Variants in FRMD1 observed in about 807,000 individuals in gnomAD.
FRMD1 encodes the protein FERM domain containing 1, also known as FERM domain-containing protein 1.
A neutral mutation model predicts 54.9 loss-of-function variants in FRMD1; 51 were observed. That is an observed-to-expected ratio of 0.93 (90% CI 0.74 to 1.17). The LOEUF (loss-of-function observed/expected upper bound fraction) is 1.17. Ranked by LOEUF, FRMD1 falls within the 50% of genes most tolerant of loss-of-function variation. The pLI, the probability that FRMD1 is intolerant of heterozygous loss-of-function variation, is 0.00. For synonymous variants in FRMD1, 324 were observed against 306.4 expected (o/e 1.06, Z -0.60); for missense variants, 729 against 743.0 (o/e 0.98, Z 0.22).
chr6:168,065,481 G>C, intron 4 of FRMD1: 1 of 994,960 alleles, frequency 1.0e-6, no homozygotes, highest in Non-Finnish European at 1.2e-6. Context: ...CACGGGGCTT[G>C]GCCATGGCTG....
Position 168,062,639 on chromosome 6 carries a change from T to C in FRMD1, c.870+255A>G, listed in dbSNP as rs747302727. 1.1e-5 allele frequency: 17 copies of C among 1,541,680 alleles called. No homozygotes were observed. The South Asian group carries it at 1.8e-4, about 16-fold the overall frequency. On this transcript the variant is annotated intron_variant, in intron 7 of 10. Coordinates refer to ENST00000283309, the MANE Select transcript of FRMD1 (RefSeq NM_024919.6). ...GGATGAAGCTGCATCTGCCCAGGCT[T>C]TCCAGGGCACGGGGACCCCCCAGAC...
In FRMD1 at chr6:168,092,367, G is replaced by A. The variant is rs902612716; in HGVS notation, c.-12+9058C>T. ...GGTCTGTGTCCCCCAAATTCACCAC[G>A]TGGAAATTCTCACGCGAGGGGGATG... is the stretch of plus-strand genomic sequence containing the variant. On this transcript the variant is annotated intron_variant, in intron 1 of 12. Transcript: ENST00000644440. Among the ~76,000 whole-genome samples the A allele has an allele frequency of 5.3e-5, 8 of 152,220 alleles. No individual in the cohort carries two copies. The South Asian group carries it at 8.3e-4, about 16-fold the overall frequency.
Position 168,075,356 on chromosome 6 carries a change from G to A in FRMD1, c.214-21C>T. 3 of 1,601,644 alleles carry A rather than the reference G, an allele frequency of 1.9e-6. 1 individual carries two copies. The highest frequency in any genetic ancestry group is 2.7e-5 in the African/African-American group (2 of 74,872). On this transcript the variant is annotated intron_variant, in intron 1 of 10. Coordinates refer to ENST00000283309, the MANE Select transcript of FRMD1 (RefSeq NM_024919.6). ...TTCACCTGCAAAAGAGGTGGGGAGG[G>A]GTTCAGGGAGGGGCCGGCACCTGTC...
intron 2 of FRMD1, among the ~76,000 whole-genome samples, chr6:168,069,084 C>T (rs1365783375): frequency 6.6e-6 from 1 of 152,238 alleles, no homozygotes; most frequent in Non-Finnish European, 1.5e-5. Flanking sequence ...GTGCCATGCT[C>T]TGTGTTAAAG....
chr6:168,072,512 C>A (rs1304251260), intron 2 of FRMD1, among the ~76,000 whole-genome samples: 2 of 152,230 alleles, frequency 1.3e-5, no homozygotes, highest in Admixed American at 6.5e-5. Flanking sequence ...AGCAGGGAAG[C>A]CTCAGTGCCG....
chr6:168,058,958 C>A (rs948838909), intron 10 of FRMD1, among the ~76,000 whole-genome samples, 166 bp downstream of exon 10: 17 of 152,206 alleles, frequency 1.1e-4, no homozygotes, highest in African/African-American at 3.9e-4. Flanking sequence ...TGCCCCAGTG[C>A]CCGAGAGCCT....
At chr6:168,078,445 C>T (rs531697232) in intron 1 of FRMD1, among the ~76,000 whole-genome samples, 3 of 152,200 alleles carry the variant, frequency 2.0e-5, no homozygotes, top group Admixed American at 2.0e-4. Flanking sequence ...ACCTCACAGA[C>T]ACCTGGCCTA....
intron 9 of FRMD1, 29 bp downstream of exon 9, chr6:168,060,732 T>C (rs1309322802): frequency 5.7e-6 from 9 of 1,589,778 alleles, no homozygotes; most frequent in East Asian, 2.3e-5. Flanking sequence ...TCACTGTCCC[T>C]GAGGCCTGGG....
At chr6:168,066,967 T>C in intron 3 of FRMD1, 136 bp from the exon 4 acceptor site, 2 of 1,105,800 alleles carry the variant, frequency 1.8e-6, no homozygotes, top group Non-Finnish European at 2.6e-6. Context: ...CAGCCATAGC[T>C]GACAATTCGA....
At chr6:168,083,157 C>T (rs568165949), upstream of FRMD1, among the ~76,000 whole-genome samples, 2 of 152,332 alleles carry the variant, frequency 1.3e-5, no homozygotes, top group East Asian at 1.9e-4. Flanking sequence ...GTAAGGTCCA[C>T]GAACACCCTC....
chr6:168,085,645 G>A (rs1260877822), upstream of FRMD1, among the ~76,000 whole-genome samples: 3 of 152,216 alleles, frequency 2.0e-5, no homozygotes, highest in Non-Finnish European at 4.4e-5. Context: ...GGAAGGGCGT[G>A]GCCACCAGCA....
chr6:168,074,603 G>T (rs1800478111), intron 2 of FRMD1, among the ~76,000 whole-genome samples: 1 of 151,592 alleles, frequency 6.6e-6, no homozygotes, highest in Admixed American at 6.6e-5. Context: ...GTGTAACTGT[G>T]TGCATGTGTG....
chr6:168,066,909 G>A (rs906558728), intron 3 of FRMD1, 78 bp from the exon 4 acceptor site: 62 of 1,559,922 alleles, frequency 4.0e-5, no homozygotes, highest in Middle Eastern at 1.7e-4. Flanking sequence ...CAGTTGGGGG[G>A]GCCTGGATTG....
At chr6:168,066,854 G>C (rs1047279021) in intron 3 of FRMD1, 23 bp from the exon 4 acceptor site, 1 of 1,609,804 alleles carries the variant, frequency 6.2e-7, no homozygotes, top group Non-Finnish European at 8.5e-7. Flanking sequence ...ATGCAAGAAA[G>C]AGCAAGTGAG....
At chr6:168,063,079 G>T in intron 6 of FRMD1, 120 bp from the exon 7 acceptor site, 1 of 800,262 alleles carries the variant, frequency 1.2e-6, no homozygotes, top group Non-Finnish European at 2.2e-6. Flanking sequence ...GAGCTCTGGG[G>T]CCCATTTACA....
At chr6:168,086,714 C>A (rs1562435515) in intron 1 of FRMD1, among the ~76,000 whole-genome samples, 1 of 152,152 alleles carries the variant, frequency 6.6e-6, no homozygotes, top group Non-Finnish European at 1.5e-5. Context: ...GGGCCGTCGT[C>A]TGTCACCCCC....
At chr6:168,087,509 C>T (rs111889725) in intron 1 of FRMD1, among the ~76,000 whole-genome samples, 465 of 152,348 alleles carry the variant, frequency 3.1e-3, no homozygotes, top group Middle Eastern at 0.01. Context: ...TTAAAGGGCC[C>T]TGTCAGCCGC....
In FRMD1 at chr6:168,063,757, C is replaced by A; in HGVS notation, c.649-1G>T. 1 of 1,610,226 alleles carries A rather than the reference C, an allele frequency of 6.2e-7. No individual in the cohort carries two copies. The highest frequency in any genetic ancestry group is 8.5e-7 in the Non-Finnish European group (1 of 1,178,048). On this transcript the variant is annotated splice_acceptor_variant, in intron 5 of 10. Transcript: ENST00000283309. LOFTEE classifies it high-confidence loss of function. ...AGTCAATCCCCCTCTTGGTGATGAT[C>A]TGAGGACAGAGCCGGGAGGTCAGCT...
At chr6:168,078,801 TGCTCACCCCCAC>T (rs1800727386) in intron 1 of FRMD1, 69 bp downstream of exon 1, 74 of 1,084,350 alleles carry the variant, frequency 6.8e-5, no homozygotes, top group African/African-American at 1.7e-4. Flanking sequence ...CCCAGGGCCC[TGCTCACCCCCAC>T]GGCCACCCGG....
Sources: gnomAD v4.1 joint callset for allele counts (sites outside exome capture counted in the v4.1 genomes callset) on GRCh38, gnomAD v4.1.1 for gene constraint, MANE v1.5 for transcripts, NCBI Gene and HGNC (gene_info 2026-07-23, HGNC 2026-07-21) for gene names.